PLS1: variants seen among roughly 807,000 people sequenced by gnomAD.
PLS1 encodes plastin-1.
PLS1 carries 32 observed loss-of-function variants against 73.7 expected under a neutral mutation model. That is an observed-to-expected ratio of 0.43 (90% CI 0.33 to 0.58). The LOEUF is 0.58. Ranked by LOEUF, PLS1 falls within the 20% of genes least tolerant of loss-of-function variation. PLS1 has a pLI of 0.04. For synonymous variants in PLS1, 217 were observed against 261.3 expected, an observed-to-expected ratio of 0.83 and a Z score of 1.63; for missense variants, 633 against 740.5, an observed-to-expected ratio of 0.85 and a Z score of 1.68.
chr3:142,641,227 TATA>T (rs1278268257), intron 1 of PLS1, among the ~76,000 whole-genome samples: 4 of 145,654 alleles, frequency 2.7e-5, no homozygotes, highest in East Asian at 2.0e-4. Flanking sequence ...TATAGATATA[TATA>T]ATATCTATAT....
At chr3:142,603,769 C>CAAA (rs5853074) in intron 1 of PLS1, among the ~76,000 whole-genome samples, 7 of 140,524 alleles carry the variant, frequency 5.0e-5, no homozygotes, top group African/African-American at 1.8e-4. Context: ...AACCCTGCCT[C>CAAA]AAAAAAAAAA....
At chr3:142,667,559 G>A (rs1392257497) in intron 2 of PLS1, among the ~76,000 whole-genome samples, 2 of 152,184 alleles carry the variant, frequency 1.3e-5, no homozygotes, top group African/African-American at 4.8e-5. Flanking sequence ...ACTTGGCTAA[G>A]CATATATGTG....
Position 142,670,993 on chromosome 3 carries a change from C to A in PLS1, c.235C>A (p.Leu79Ile). The A allele has an allele frequency of 6.3e-7, 1 of 1,584,766 alleles. No homozygotes were observed. Among genetic ancestry groups the A allele is most frequent in the South Asian group, 1.1e-5 (1 of 89,310 alleles). The part of the protein sequence containing the change: ...GKISFEEFVS[L>I]MQELKSKDIS... ...CAATTTTACTTATGTTCCATTCCAGCTAATGCAAGAATTAAAAAGCAAAGA... is the reference window on the plus strand; with the variant it reads ...CAATTTTACTTATGTTCCATTCCAGATAATGCAAGAATTAAAAAGCAAAGA... The change falls in exon 4 of 16, where the codon CTA becomes ATA. Residue 79 changes from leucine (L) to isoleucine (I), a missense_variant and splice_region_variant. By Grantham distance (5) the Leu-to-Ile change is conservative (BLOSUM62 2). Coordinates refer to ENST00000457734, the MANE Select transcript of PLS1 (RefSeq NM_001145319.2).
At chr3:142,624,741 G>C (rs1410143937) in intron 1 of PLS1, among the ~76,000 whole-genome samples, 2 of 152,218 alleles carry the variant, frequency 1.3e-5, no homozygotes, top group Non-Finnish European at 2.9e-5. Context: ...TCTTGTTAGA[G>C]AAGTGAACAC....
chr3:142,702,232 T>A (rs895658988), intron 12 of PLS1, among the ~76,000 whole-genome samples: 11 of 152,158 alleles, frequency 7.2e-5, no homozygotes, highest in Middle Eastern at 3.2e-3. Flanking sequence ...CCTTGGATTT[T>A]AAAAAAATGA....
intron 1 of PLS1, among the ~76,000 whole-genome samples, chr3:142,662,392 G>A (rs1338936643): frequency 6.6e-6 from 1 of 152,012 alleles, no homozygotes; most frequent in Non-Finnish European, 1.5e-5. Context: ...ACAAGGAGGG[G>A]AACATCACAC....
chr3:142,645,917 C>T (rs1320211499), intron 1 of PLS1, among the ~76,000 whole-genome samples: 1 of 152,056 alleles, frequency 6.6e-6, no homozygotes, highest in Non-Finnish European at 1.5e-5. Flanking sequence ...ACCGACAAGT[C>T]AGGTTCTAGG....
At chr3:142,643,623 CATCAAA>C (rs984316850) in intron 1 of PLS1, among the ~76,000 whole-genome samples, 16 of 152,224 alleles carry the variant, frequency 1.1e-4, no homozygotes, top group African/African-American at 3.6e-4. Context: ...TCCTAGTATA[CATCAAA>C]GAATGGAGAG....
At position 142,656,280 on chromosome 3, in the gene PLS1, T is replaced by C. The variant is rs189530203; in HGVS notation, c.-36-7922T>C. On this transcript the variant is annotated intron_variant, in intron 1 of 15. Coordinates refer to ENST00000457734, the MANE Select transcript of PLS1 (RefSeq NM_001145319.2). ...CTCGACCAATTTTTAAGAAAAGTTT[T>C]CTATCATAGCTGTCCCTTGTGAATG... Among the ~76,000 whole-genome samples, 543 of 152,354 alleles carry C rather than the reference T, an allele frequency of 3.6e-3. 10 individuals carry two copies. The highest frequency in any genetic ancestry group is 0.013 in the African/African-American group (526 of 41,574).
intron 1 of PLS1, among the ~76,000 whole-genome samples, chr3:142,651,462 CAAA>C (rs57909380): frequency 1.6e-4 from 16 of 102,300 alleles, no homozygotes; most frequent in Middle Eastern, 5.2e-3. Context: ...AACTCTGTCT[CAAA>C]AAAAAAAAAA....
At chr3:142,710,955 T>C (rs1488760076) in intron 14 of PLS1, among the ~76,000 whole-genome samples, 1 of 152,228 alleles carries the variant, frequency 6.6e-6, no homozygotes, top group African/African-American at 2.4e-5. Context: ...TCATTTGAGC[T>C]ATCTTAACTT....
intron 1 of PLS1, among the ~76,000 whole-genome samples, chr3:142,642,186 G>T (rs2036857129): frequency 6.6e-6 from 1 of 151,958 alleles, no homozygotes; most frequent in Non-Finnish European, 1.5e-5. Flanking sequence ...AAACAAAGTT[G>T]GGAATATACT....
intron 1 of PLS1, among the ~76,000 whole-genome samples, chr3:142,618,180 T>C (rs1358713428): frequency 6.6e-6 from 1 of 152,170 alleles, no homozygotes; most frequent in Non-Finnish European, 1.5e-5. Context: ...ACATCTAATA[T>C]GTATATGTTA....
At chr3:142,709,572 G>A (rs1030454995) in intron 14 of PLS1, among the ~76,000 whole-genome samples, 3 of 152,044 alleles carry the variant, frequency 2.0e-5, no homozygotes, top group Admixed American at 6.5e-5. Flanking sequence ...ATCCCACCAC[G>A]GTGGGAGGCC....
At chr3:142,616,759 T>TG (rs920882112) in intron 1 of PLS1, among the ~76,000 whole-genome samples, 1 of 152,118 alleles carries the variant, frequency 6.6e-6, no homozygotes, top group Non-Finnish European at 1.5e-5. Context: ...CCCGCCGTCA[T>TG]GCCTGGCCAA....
chr3:142,680,895 ACT>A (rs2037838751), intron 6 of PLS1, among the ~76,000 whole-genome samples: 1 of 152,186 alleles, frequency 6.6e-6, no homozygotes. Context: ...TTTCTTAATC[ACT>A]GTGTTACACT....
At chr3:142,625,843 A>G (rs1193547258) in intron 1 of PLS1, among the ~76,000 whole-genome samples, 2 of 152,000 alleles carry the variant, frequency 1.3e-5, no homozygotes, top group Non-Finnish European at 2.9e-5. Context: ...GTGTTGTGGC[A>G]TACGCCTGTA....
Position 142,690,591 on chromosome 3 carries a change from A to G in PLS1, c.1177+778A>G, listed in dbSNP as rs372521157. Among the ~76,000 whole-genome samples, 9 of 152,216 alleles carry G rather than the reference A, an allele frequency of 5.9e-5. No homozygotes were observed. The East Asian group carries it at 7.7e-4, about 13-fold the overall frequency. On this transcript the variant is annotated intron_variant, in intron 10 of 15. Coordinates refer to ENST00000457734, the MANE Select transcript of PLS1 (RefSeq NM_001145319.2). ...GTAGTTGTAAACACATTAGAACTCA[A>G]TTTTGAGAACTGGAATTCATGATTT...
At chr3:142,689,460 G>A in intron 9 of PLS1, among the ~76,000 whole-genome samples, 158 bp from the exon 10 acceptor site, 1 of 125,194 alleles carries the variant, frequency 8.0e-6, no homozygotes, top group African/African-American at 3.0e-5. Flanking sequence ...ATAAATAAAG[G>A]AATGGGTAAG....
Sources: allele counts gnomAD v4.1 joint callset (sites outside exome capture counted in the v4.1 genomes callset), GRCh38; gene constraint gnomAD v4.1.1; transcripts MANE v1.5; gene names NCBI Gene and HGNC (gene_info 2026-07-23, HGNC 2026-07-21).